Variants in DGKG observed in about 807,000 individuals in gnomAD.
DGKG encodes the protein diacylglycerol kinase gamma.
In DGKG, 78 loss-of-function variants were observed where a neutral mutation model predicts 105.3. The observed-to-expected ratio is 0.74, with a 90% CI of 0.62 to 0.89. The LOEUF (loss-of-function observed/expected upper bound fraction) is 0.89. Ranked by LOEUF, DGKG falls within the 40% of genes least tolerant of loss-of-function variation. DGKG has a pLI of 0.00. For missense variants in DGKG, 958 were observed against 1,020.1 expected, an observed-to-expected ratio of 0.94 and a Z score of 0.83; for synonymous variants, 346 against 367.1, an observed-to-expected ratio of 0.94 and a Z score of 0.66.
chr3:186,149,030 G>GCA lies in DGKG; in HGVS notation c.*1058_*1059dup, dbSNP rs963438121. On this transcript the variant is annotated 3_prime_UTR_variant, in exon 25 of 25. Coordinates refer to ENST00000265022, the MANE Select transcript of DGKG (RefSeq NM_001346.3). ...CACGCACACACACACACACACGCGC[G>GCA]CACACACGTTAAGACCATCAGAAGG... 1.3e-5 allele frequency: 13 copies of GCA among 979,764 alleles called. No individual in the cohort carries two copies. In the African/African-American group the frequency reaches 1.6e-4, roughly 12 times the overall value. 60.7% of individuals were successfully genotyped at this position (979,764 alleles called of 1,614,324 possible). A position where few individuals can be genotyped will look rare whatever the true frequency, so the allele number is the denominator to read the frequency against.
At chr3:186,259,087 A>C (rs1158176995) in intron 16 of DGKG, among the ~76,000 whole-genome samples, 1 of 152,122 alleles carries the variant, frequency 6.6e-6, no homozygotes, top group Non-Finnish European at 1.5e-5. Context: ...CTTCTCTTGC[A>C]GAACTCTGCT....
chr3:186,283,230 T>A (rs1303011193), intron 7 of DGKG, among the ~76,000 whole-genome samples: 2 of 151,982 alleles, frequency 1.3e-5, no homozygotes, highest in African/African-American at 4.8e-5. Context: ...ACCTATAACG[T>A]TTAATAAGAT....
Position 186,267,770 on chromosome 3 carries a change from C to T in DGKG, c.1124G>A (p.Arg375His), listed in dbSNP as rs766514266. Residue 375 changes from arginine (R) to histidine (H), a missense_variant, in exon 13 of 25, where the codon CGC becomes CAC. By Grantham distance (29) the Arg-to-His change is conservative. Around this residue, in one of 2 missense-constraint regions of DGKG, gnomAD observed 643 missense variants for 619.5 expected, o/e 1.04. Coordinates refer to ENST00000265022, the MANE Select transcript of DGKG (RefSeq NM_001346.3). ...HCVWCRMTFH[R>H]KCELSTLCDG... Reference sequence around the variant, plus strand: ...ACACAACGTTGATAATTCACATTTGCGGTGAAACTGGGGGGAGAAATGAAA... The same window carrying T: ...ACACAACGTTGATAATTCACATTTGTGGTGAAACTGGGGGGAGAAATGAAA... 3.1e-5 allele frequency: 50 copies of T among 1,613,472 alleles called. No homozygotes were observed. The East Asian group carries it at 3.6e-4, about 12-fold the overall frequency.
chr3:186,349,758 T>G (rs1305465951), intron 1 of DGKG, among the ~76,000 whole-genome samples: 1 of 152,238 alleles, frequency 6.6e-6, no homozygotes, highest in East Asian at 1.9e-4. Flanking sequence ...TGCCACTTTT[T>G]AAAGTTTTTT....
chr3:186,300,795 C>A (rs890008387), intron 3 of DGKG, among the ~76,000 whole-genome samples: 3 of 152,100 alleles, frequency 2.0e-5, no homozygotes, highest in African/African-American at 7.2e-5. Context: ...CTGTAAAAAA[C>A]CAAAGCCAAA....
intron 15 of DGKG, among the ~76,000 whole-genome samples, chr3:186,260,959 G>A (rs1253042909): frequency 1.3e-5 from 2 of 152,178 alleles, no homozygotes; most frequent in Non-Finnish European, 2.9e-5. Flanking sequence ...CCTGGGATCA[G>A]GAGGAAACGC....
chr3:186,230,716 A>G (rs1720112605), intron 20 of DGKG, among the ~76,000 whole-genome samples: 1 of 152,056 alleles, frequency 6.6e-6, no homozygotes, highest in Non-Finnish European at 1.5e-5. Context: ...AATCCTGAGG[A>G]TGGAACATCT....
At chr3:186,318,771 G>C (rs1473707541) in intron 2 of DGKG, among the ~76,000 whole-genome samples, 1 of 152,200 alleles carries the variant, frequency 6.6e-6, no homozygotes, top group Non-Finnish European at 1.5e-5. Flanking sequence ...CTGACTCCTT[G>C]ATTGTGGACT....
chr3:186,329,469 A>G (rs1725499257), intron 1 of DGKG, among the ~76,000 whole-genome samples: 1 of 152,312 alleles, frequency 6.6e-6, no homozygotes, highest in South Asian at 2.1e-4. Flanking sequence ...GCCATACCCA[A>G]TTATCCAGGA....
chr3:186,276,099 A>C (rs1334538026), intron 9 of DGKG, among the ~76,000 whole-genome samples: 1 of 152,220 alleles, frequency 6.6e-6, no homozygotes, highest in Non-Finnish European at 1.5e-5. Flanking sequence ...TAAAAGGCAG[A>C]TGAGCCTTTT....
At chr3:186,215,522 G>C (rs181274467) in intron 20 of DGKG, among the ~76,000 whole-genome samples, 3 of 152,024 alleles carry the variant, frequency 2.0e-5, no homozygotes. Flanking sequence ...GTTTTTTAAA[G>C]ATCATTCTGT....
chr3:186,307,833 T>A (rs970853391), intron 2 of DGKG, among the ~76,000 whole-genome samples: 3 of 151,942 alleles, frequency 2.0e-5, no homozygotes, highest in Non-Finnish European at 4.4e-5. Flanking sequence ...TGTTGTACAC[T>A]ATGGCAAGAT....
intron 19 of DGKG, among the ~76,000 whole-genome samples, chr3:186,242,831 T>TA (rs1201664393): frequency 2.6e-4 from 39 of 152,254 alleles, no homozygotes; most frequent in African/African-American, 8.7e-4. Context: ...CCGGACCCGC[T>TA]GAGAACAGAT....
chr3:186,193,629 C>A (rs910766171), intron 21 of DGKG, among the ~76,000 whole-genome samples: 1 of 152,270 alleles, frequency 6.6e-6, no homozygotes, highest in Admixed American at 6.5e-5. Context: ...GAACCCCAGG[C>A]CCGCTCTGGA....
At chr3:186,176,556 G>A (rs1377225542) in intron 22 of DGKG, among the ~76,000 whole-genome samples, 1 of 152,186 alleles carries the variant, frequency 6.6e-6, no homozygotes, top group Non-Finnish European at 1.5e-5. Flanking sequence ...GGGGAGGTGT[G>A]GGAGGGTGTT....
chr3:186,280,844 G>T, intron 7 of DGKG, 100 bp from the exon 8 acceptor site: 1 of 956,746 alleles, frequency 1.0e-6, no homozygotes, highest in Non-Finnish European at 1.6e-6. Flanking sequence ...GAGGGACAGG[G>T]CAGGGCAAGA....
rs184786761 is a variant in DGKG, at chr3:186,224,327, A to C, written c.1827-12442T>G. On this transcript the variant is annotated intron_variant, in intron 20 of 24. Transcript: ENST00000265022. ...CCCCATATGTGCCTGTTTCTTCTAA[A>C]ATTATGACTCACGGCTGAGGAAGAG... 2.0e-5 allele frequency among the ~76,000 whole-genome samples: 3 copies of C among 152,258 alleles called. No individual in the cohort carries two copies. In the East Asian group the frequency reaches 5.8e-4, roughly 29 times the overall value.
intron 20 of DGKG, among the ~76,000 whole-genome samples, chr3:186,213,213 A>G (rs940921051): frequency 1.2e-4 from 18 of 152,232 alleles, no homozygotes; most frequent in African/African-American, 4.1e-4. Context: ...CCTCATGAAC[A>G]AAATTAGAAG....
chr3:186,184,010 T>C lies in DGKG; in HGVS notation c.2095+4192A>G, dbSNP rs146079595. Among the ~76,000 whole-genome samples the C allele has an allele frequency of 8.8e-3, 1,338 of 152,278 alleles. 24 individuals carry two copies. The highest frequency in any genetic ancestry group is 0.031 in the African/African-American group (1,283 of 41,574). On this transcript the variant is annotated intron_variant, in intron 22 of 24. Coordinates refer to ENST00000265022, the MANE Select transcript of DGKG (RefSeq NM_001346.3). ...TGAGCCACCATGCCCGGCTGAGCTC[T>C]GCTCTTTCTTAGTGGTAGTGCAGGT...
Sources: allele counts gnomAD v4.1 joint callset (sites outside exome capture counted in the v4.1 genomes callset), GRCh38; gene constraint gnomAD v4.1.1; regional missense constraint gnomAD v4.1.1; transcripts MANE v1.5; gene names NCBI Gene and HGNC (gene_info 2026-07-23, HGNC 2026-07-21).